The following HYCC1 variants were observed in gnomAD, a reference collection of about 807,000 sequenced individuals.
The protein encoded by HYCC1 is hyccin.
At chr7:22,945,470 G>C in the HYCC1 span, 5 of 777,572 alleles carry the variant, frequency 6.4e-6, no homozygotes, top group Non-Finnish European at 1.1e-5. Context: ...GGAGCCTTCA[G>C]AATTTAAGAC....
chr7:22,980,041 G>A, the HYCC1 span, among the ~76,000 whole-genome samples: 2 of 152,116 alleles, frequency 1.3e-5, no homozygotes, highest in South Asian at 2.1e-4. Flanking sequence ...AGGAAACTAA[G>A]ACAAAGAGGC....
chr7:22,909,656 A>G, the HYCC1 span, among the ~76,000 whole-genome samples: 1 of 152,110 alleles, frequency 6.6e-6, no homozygotes, highest in Non-Finnish European at 1.5e-5. Context: ...GCACACCTAC[A>G]ATGCTCTGAA....
At chr7:22,930,765 G>A in the HYCC1 span, among the ~76,000 whole-genome samples, 1 of 151,822 alleles carries the variant, frequency 6.6e-6, no homozygotes, top group African/African-American at 2.4e-5. Flanking sequence ...GAATTTTTAT[G>A]GTGTAAAGAA....
chr7:22,968,807 G>A, the HYCC1 span, among the ~76,000 whole-genome samples: 1 of 152,066 alleles, frequency 6.6e-6, no homozygotes, highest in Non-Finnish European at 1.5e-5. Flanking sequence ...CCAACATGGT[G>A]AAACCCCATT....
chr7:23,005,366 C>T, the HYCC1 span, among the ~76,000 whole-genome samples: 1 of 152,162 alleles, frequency 6.6e-6, no homozygotes, highest in Non-Finnish European at 1.5e-5. Context: ...AAATAAAGCA[C>T]TGGCAAACAA....
At chr7:22,971,331 G>GATT in the HYCC1 span, among the ~76,000 whole-genome samples, 2 of 148,370 alleles carry the variant, frequency 1.3e-5, no homozygotes, top group African/African-American at 4.9e-5. Context: ...ATTATTATCA[G>GATT]ATTATTATTA....
chr7:22,970,302 A>C, the HYCC1 span, among the ~76,000 whole-genome samples: 1 of 152,238 alleles, frequency 6.6e-6, no homozygotes, highest in African/African-American at 2.4e-5. Flanking sequence ...GATTTTTTAA[A>C]AGTAAAAATC....
the HYCC1 span, among the ~76,000 whole-genome samples, chr7:22,949,043 A>G: frequency 6.6e-6 from 1 of 152,004 alleles, no homozygotes. Flanking sequence ...AGATCTACTA[A>G]AGGGATCTCC....
At chr7:22,965,949 T>G in the HYCC1 span, among the ~76,000 whole-genome samples, 1 of 151,980 alleles carries the variant, frequency 6.6e-6, no homozygotes, top group South Asian at 2.1e-4. Context: ...ATTTAAGGAG[T>G]ACTAAAGCTA....
chr7:23,011,259 C>T, the HYCC1 span, among the ~76,000 whole-genome samples: 2 of 152,344 alleles, frequency 1.3e-5, no homozygotes, highest in South Asian at 4.1e-4. Context: ...CATTTCATCA[C>T]AACTAAATCA....
At chr7:22,990,885 A>C in the HYCC1 span, among the ~76,000 whole-genome samples, 1 of 152,254 alleles carries the variant, frequency 6.6e-6, no homozygotes, top group Non-Finnish European at 1.5e-5. Context: ...GAAAAAAGGA[A>C]TCAATTTCCT....
the HYCC1 span, among the ~76,000 whole-genome samples, chr7:22,979,112 T>G: frequency 6.6e-6 from 1 of 152,150 alleles, no homozygotes; most frequent in Non-Finnish European, 1.5e-5. Flanking sequence ...ATTATATATA[T>G]CCAATGAACT....
At chr7:22,925,973 C>T in the HYCC1 span, among the ~76,000 whole-genome samples, 2 of 152,198 alleles carry the variant, frequency 1.3e-5, no homozygotes, top group African/African-American at 4.8e-5. Context: ...ATCAGACTAA[C>T]AGCTGATCTC....
chr7:22,928,020 G>T, the HYCC1 span, among the ~76,000 whole-genome samples: 9 of 152,264 alleles, frequency 5.9e-5, no homozygotes, highest in African/African-American at 1.9e-4. Context: ...GGGATGCAAG[G>T]CTGGTTCAAT....
chr7:23,005,532 T>C, the HYCC1 span, among the ~76,000 whole-genome samples: 25 of 152,268 alleles, frequency 1.6e-4, no homozygotes, highest in Admixed American at 7.8e-4. Context: ...CCATCCTTAT[T>C]TACTCTTCAC....
chr7:22,933,406 T>A, the HYCC1 span, among the ~76,000 whole-genome samples: 5 of 152,350 alleles, frequency 3.3e-5, no homozygotes, highest in Non-Finnish European at 5.9e-5. Flanking sequence ...TTTTCATCAT[T>A]ATAAAATTTC....
chr7:22,967,753 A>C, the HYCC1 span, among the ~76,000 whole-genome samples: 1 of 152,198 alleles, frequency 6.6e-6, no homozygotes, highest in Non-Finnish European at 1.5e-5. Flanking sequence ...AGTATAAAGA[A>C]GGTGAGACCA....
the HYCC1 span, chr7:22,939,904 A>G: frequency 6.6e-6 from 1 of 152,206 alleles, no homozygotes; most frequent in Non-Finnish European, 1.5e-5. Flanking sequence ...TACTATCACA[A>G]TAACATAATG....
the HYCC1 span, among the ~76,000 whole-genome samples, chr7:22,929,583 C>A: frequency 6.6e-6 from 1 of 152,114 alleles, no homozygotes; most frequent in South Asian, 2.1e-4. Flanking sequence ...CCAAAAAACA[C>A]GTGAAAAAAT....
Sources: gnomAD v4.1 joint callset for allele counts (sites outside exome capture counted in the v4.1 genomes callset) on GRCh38, gnomAD v4.1.1 for gene constraint, MANE v1.5 for transcripts, NCBI Gene and HGNC (gene_info 2026-07-23, HGNC 2026-07-21) for gene names.